The following ZMYM1 variants were observed in gnomAD, a reference collection of about 807,000 sequenced individuals.
The protein encoded by ZMYM1 is zinc finger MYM-type containing 1.
A neutral mutation model predicts 60.0 loss-of-function variants in ZMYM1; 39 were observed. The observed-to-expected ratio is 0.65, with a 90% CI of 0.50 to 0.85. ZMYM1 has a LOEUF of 0.85. ZMYM1 is among the 40% of genes least tolerant of loss of function. The pLI, the probability that ZMYM1 is intolerant of heterozygous loss-of-function variation, is 0.00. For synonymous variants in ZMYM1, 413 were observed against 454.0 expected (o/e 0.91, Z 1.15); for missense variants, 1,171 against 1,309.5 (o/e 0.89, Z 1.63).
intron 1 of ZMYM1, among the ~76,000 whole-genome samples, chr1:35,092,392 T>G (rs1316602805): frequency 1.2e-5 from 1 of 86,664 alleles, no homozygotes; most frequent in Non-Finnish European, 2.6e-5. Context: ...ACCACCACAC[T>G]CGGTTGATTT....
intron 1 of ZMYM1, among the ~76,000 whole-genome samples, chr1:35,073,586 GA>G: frequency 1.1e-5 from 1 of 88,806 alleles, no homozygotes; most frequent in Non-Finnish European, 2.3e-5. Flanking sequence ...AAGAAAAGAA[GA>G]AAAGAAAAGA....
At chr1:35,098,981 T>C (rs553679536) in intron 4 of ZMYM1, among the ~76,000 whole-genome samples, 2 of 152,220 alleles carry the variant, frequency 1.3e-5, no homozygotes, top group Non-Finnish European at 2.9e-5. Context: ...CATGCTAAAG[T>C]TGGAGCAGTA....
rs1644228206 is a variant in ZMYM1, at chr1:35,115,187, A to T, written c.3357A>T (p.Val1119=). The T allele has an allele frequency of 2.5e-6, 4 of 1,612,822 alleles. No individual in the cohort carries two copies. Among genetic ancestry groups the T allele is most frequent in the Non-Finnish European group, 3.4e-6 (4 of 1,179,704 alleles). ...PALMAVEQEL[V]NKLMEPERLN... ...TAATGGCTGTTGAGCAGGAGTTGGTAAATAAACTAATGGAGCCTGAAAGAC... is the reference window on the plus strand; with the variant it reads ...TAATGGCTGTTGAGCAGGAGTTGGTTAATAAACTAATGGAGCCTGAAAGAC... Residue 1119 remains valine (V), a synonymous_variant, in exon 10 of 10, where the codon GTA becomes GTT. Coordinates refer to ENST00000359858, the MANE Select transcript of ZMYM1 (RefSeq NM_024772.5).
chr1:35,098,721 C>T (rs1400836412), intron 4 of ZMYM1, among the ~76,000 whole-genome samples: 1 of 152,034 alleles, frequency 6.6e-6, no homozygotes, highest in Non-Finnish European at 1.5e-5. Context: ...AGCCTGGCAA[C>T]ACAGTGAAAC....
chr1:35,092,113 A>G (rs1473244749), intron 1 of ZMYM1, among the ~76,000 whole-genome samples: 1 of 152,010 alleles, frequency 6.6e-6, no homozygotes, highest in Non-Finnish European at 1.5e-5. Flanking sequence ...TTTAGTAGAG[A>G]CAGGGTTTTG....
rs1643334952 is a variant in ZMYM1, at chr1:35,096,542, T to C, written c.169+651T>C. 8.6e-5 allele frequency among the ~76,000 whole-genome samples: 13 copies of C among 150,936 alleles called. No homozygotes were observed. In the South Asian group the frequency reaches 2.5e-3, roughly 29 times the overall value. On this transcript the variant is annotated intron_variant, in intron 3 of 9. Coordinates refer to ENST00000359858, the MANE Select transcript of ZMYM1 (RefSeq NM_024772.5). ...GAGGCTGAGGCGGGAGGTTTTTTTT[T>C]TTTTTCTGAGATGGAGTTTCCGCTC...
chr1:35,082,675 T>C (rs1642451124), intron 1 of ZMYM1, among the ~76,000 whole-genome samples: 1 of 151,700 alleles, frequency 6.6e-6, no homozygotes, highest in Non-Finnish European at 1.5e-5. Flanking sequence ...TATTTTACTT[T>C]AGCTTAAAGA....
intron 1 of ZMYM1, among the ~76,000 whole-genome samples, chr1:35,064,725 C>T (rs1381336587): frequency 1.5e-5 from 2 of 131,656 alleles, no homozygotes; most frequent in Non-Finnish European, 3.1e-5. Context: ...GGGTCTCTGT[C>T]GCCCAGGCTG....
chr1:35,095,961 G>T, intron 3 of ZMYM1, 70 bp downstream of exon 3: 1 of 1,162,212 alleles, frequency 8.6e-7, no homozygotes, highest in Non-Finnish European at 1.3e-6. Flanking sequence ...CTTTTTTAAT[G>T]CCTTTGAATA....
At chr1:35,091,356 T>G (rs1262286851) in intron 1 of ZMYM1, among the ~76,000 whole-genome samples, 2 of 151,932 alleles carry the variant, frequency 1.3e-5, no homozygotes, top group Admixed American at 1.3e-4. Flanking sequence ...GGTCTACAGG[T>G]GCCTGCCACC....
chr1:35,079,245 A>T (rs1238411684), upstream of ZMYM1: 1 of 151,364 alleles, frequency 6.6e-6, no homozygotes, highest in African/African-American at 2.4e-5. Context: ...GGCCGTAAGG[A>T]CTCTTCCCCT....
chr1:35,067,454 AT>A (rs1164125160), intron 1 of ZMYM1, among the ~76,000 whole-genome samples: 30 of 149,654 alleles, frequency 2.0e-4, no homozygotes, highest in Admixed American at 1.8e-3. Context: ...TGCCTGGCTA[AT>A]TTTTTTTTTA....
intron 1 of ZMYM1, among the ~76,000 whole-genome samples, chr1:35,064,357 T>A (rs1641931918): frequency 6.8e-6 from 1 of 147,300 alleles, no homozygotes; most frequent in South Asian, 2.1e-4. Context: ...ACAATTATAG[T>A]TGGAAACTTC....
intron 6 of ZMYM1, among the ~76,000 whole-genome samples, chr1:35,105,426 C>G (rs1016147124): frequency 6.6e-6 from 1 of 151,558 alleles, no homozygotes; most frequent in African/African-American, 2.4e-5. Flanking sequence ...CATGAACCAC[C>G]ACACCTGACC....
upstream of ZMYM1, among the ~76,000 whole-genome samples, chr1:35,078,681 T>C (rs771715629): frequency 2.6e-5 from 4 of 151,458 alleles, no homozygotes; most frequent in African/African-American, 4.8e-5. Context: ...CCCAAGTAGC[T>C]GGGATTACAG....
At chr1:35,074,783 T>C (rs977087009), upstream of ZMYM1, among the ~76,000 whole-genome samples, 2 of 152,188 alleles carry the variant, frequency 1.3e-5, no homozygotes, top group African/African-American at 4.8e-5. Flanking sequence ...TGTTATTGTA[T>C]GCAGTCTATC....
intron 9 of ZMYM1, among the ~76,000 whole-genome samples, 167 bp downstream of exon 9, chr1:35,112,297 C>T (rs1157301952): frequency 6.6e-6 from 1 of 151,688 alleles, no homozygotes; most frequent in African/African-American, 2.4e-5. Context: ...CCTGCCTCAG[C>T]CTCCTGAGTA....
At chr1:35,116,905 G>T (rs539928246), downstream of ZMYM1, among the ~76,000 whole-genome samples, 5 of 135,170 alleles carry the variant, frequency 3.7e-5, no homozygotes, top group African/African-American at 5.6e-5. Context: ...GTGCTGTGGC[G>T]CGATCTCCGC....
chr1:35,072,217 AC>A (rs1213526407), intron 1 of ZMYM1, among the ~76,000 whole-genome samples: 1 of 152,198 alleles, frequency 6.6e-6, no homozygotes, highest in Non-Finnish European at 1.5e-5. Context: ...TTGATGGCAG[AC>A]TTTTTATTAC....
Sources: allele counts gnomAD v4.1 joint callset (sites outside exome capture counted in the v4.1 genomes callset), GRCh38; gene constraint gnomAD v4.1.1; transcripts MANE v1.5; gene names NCBI Gene and HGNC (gene_info 2026-07-23, HGNC 2026-07-21).